The following ZNF474 variants were observed in gnomAD, a reference collection of about 807,000 sequenced individuals.
The protein encoded by ZNF474 is 4933409D10Rik.
For missense variants in ZNF474, 511 were observed against 433.8 expected (o/e 1.18, Z -1.58); for synonymous variants, 192 against 162.2 (o/e 1.18, Z -1.39).
intron 1 of ZNF474, among the ~76,000 whole-genome samples, chr5:122,139,855 T>G (rs1407018877): frequency 6.6e-6 from 1 of 152,230 alleles, no homozygotes; most frequent in Non-Finnish European, 1.5e-5. Context: ...AAAAAGCTTT[T>G]AAGGCAGCTT....
chr5:122,142,584 T>C (rs1580603716), intron 1 of ZNF474, among the ~76,000 whole-genome samples: 1 of 152,134 alleles, frequency 6.6e-6, no homozygotes, highest in Non-Finnish European at 1.5e-5. Context: ...GGCGACTCAT[T>C]CTAGTGGTTT....
rs1393020743 is a variant in ZNF474 at position 122,135,510 on chromosome 5, G to A, written c.-213+5827G>A. Among the ~76,000 whole-genome samples, 3 of 152,192 alleles carry A rather than the reference G, an allele frequency of 2.0e-5. No individual in the cohort carries two copies. The East Asian group carries it at 5.8e-4, about 29-fold the overall frequency. On this transcript the variant is annotated intron_variant, in intron 1 of 1. Coordinates refer to ENST00000296600, the MANE Select transcript of ZNF474 (RefSeq NM_207317.3). The stretch of plus-strand genomic sequence containing the variant: ...GGCAATATTGATTGGTGGCGAGGAT[G>A]TGGAGAAAGGGCAACCCTTGTACAC...
intron 1 of ZNF474, among the ~76,000 whole-genome samples, chr5:122,147,051 C>T (rs975725911): frequency 4.6e-5 from 7 of 152,108 alleles, no homozygotes; most frequent in Non-Finnish European, 8.8e-5. Context: ...CTGTCTCTGC[C>T]GGACATTAGA....
At chr5:122,138,817 T>C (rs757474496) in intron 1 of ZNF474, among the ~76,000 whole-genome samples, 1 of 152,152 alleles carries the variant, frequency 6.6e-6, no homozygotes, top group African/African-American at 2.4e-5. Context: ...TATTCATGTG[T>C]CTGAACAATT....
intron 1 of ZNF474, among the ~76,000 whole-genome samples, chr5:122,140,051 C>A (rs1755797354): frequency 6.6e-6 from 1 of 152,164 alleles, no homozygotes; most frequent in East Asian, 1.9e-4. Flanking sequence ...CTGGGCTAAC[C>A]ACAGACCATC....
At chr5:122,137,850 T>C (rs1192553493) in intron 1 of ZNF474, among the ~76,000 whole-genome samples, 1 of 152,190 alleles carries the variant, frequency 6.6e-6, no homozygotes, top group East Asian at 1.9e-4. Flanking sequence ...CTTAAGGAGT[T>C]AAATGTGACT....
At position 122,152,499 on chromosome 5, in the gene ZNF474, C is replaced by T; in HGVS notation, c.509C>T (p.Ser170Phe). 2.5e-6 allele frequency: 4 copies of T among 1,614,204 alleles called. No individual in the cohort carries two copies. Among genetic ancestry groups the T allele is most frequent in the Non-Finnish European group, 3.4e-6 (4 of 1,180,048 alleles). The change falls in exon 2 of 2, where the codon TCC (serine) becomes TTC (phenylalanine). Residue 170 changes from serine to phenylalanine, a missense_variant. By Grantham distance (155) the Ser-to-Phe change is radical (BLOSUM62 -2). Transcript: ENST00000296600. Reference protein sequence around the residue: ...SAQAQLLPCESCGRTFLPDHL... With the variant: ...SAQAQLLPCEFCGRTFLPDHL... ...CAGGCTCAGCTGCTGCCCTGTGAAT[C>T]CTGTGGCCGCACATTCTTGCCAGAT...
chr5:122,143,697 A>C (rs1755909540), intron 1 of ZNF474, among the ~76,000 whole-genome samples: 1 of 152,202 alleles, frequency 6.6e-6, no homozygotes, highest in Non-Finnish European at 1.5e-5. Flanking sequence ...TAATTCTCTT[A>C]TAAAGTATTT....
chr5:122,147,161 C>T (rs544032089), intron 1 of ZNF474, among the ~76,000 whole-genome samples: 1 of 152,120 alleles, frequency 6.6e-6, no homozygotes, highest in Non-Finnish European at 1.5e-5. Context: ...GGTGAGCATA[C>T]AAGAATACTA....
intron 1 of ZNF474, 106 bp from the exon 2 acceptor site, chr5:122,151,673 A>G (rs775496060): frequency 4.7e-4 from 87 of 186,456 alleles, no homozygotes; most frequent in Non-Finnish European, 2.3e-4. Context: ...CAAGCAAAAA[A>G]AAAGCACACA....
chr5:122,130,438 A>G (rs1453708335), intron 1 of ZNF474, among the ~76,000 whole-genome samples: 1 of 152,134 alleles, frequency 6.6e-6, no homozygotes, highest in African/African-American at 2.4e-5. Context: ...GATACCATAT[A>G]TATTATATTG....
chr5:122,152,200 A>C lies in ZNF474; in HGVS notation c.210A>C (p.Lys70Asn). 1 of 1,614,148 alleles carries C rather than the reference A, an allele frequency of 6.2e-7. No individual in the cohort carries two copies. Among genetic ancestry groups the C allele is most frequent in the Admixed American group, 1.7e-5 (1 of 60,030 alleles). Reference sequence around the variant, plus strand: ...GACCTGGGACTGTGATACTATCAAAACTGTCAAGTAGAAGAATTATATCGG... The same window carrying C: ...GACCTGGGACTGTGATACTATCAAACCTGTCAAGTAGAAGAATTATATCGG... ...KKRPGTVILS[K>N]LSSRRIISES... The change falls in exon 2 of 2, where the codon AAA (lysine) becomes AAC (asparagine). Residue 70 changes from lysine (K) to asparagine (N), a missense_variant. Transcript: ENST00000296600.
intron 1 of ZNF474, among the ~76,000 whole-genome samples, chr5:122,145,556 G>A (rs895573143): frequency 2.6e-5 from 4 of 152,144 alleles, no homozygotes; most frequent in African/African-American, 7.2e-5. Context: ...GTCAGCAGGT[G>A]AAGAGTGTCA....
At chr5:122,131,391 T>C (rs1467913144) in intron 1 of ZNF474, among the ~76,000 whole-genome samples, 1 of 152,094 alleles carries the variant, frequency 6.6e-6, no homozygotes, top group Non-Finnish European at 1.5e-5. Flanking sequence ...TTAACAATGG[T>C]CCATATGTGG....
rs750900457 is a variant in ZNF474, at chr5:122,152,177, C to A, written c.187C>A (p.Pro63Thr). Residue 63 changes from proline to threonine, a missense_variant, in exon 2 of 2, where the codon CCT becomes ACT. Pro to Thr is a conservative substitution (Grantham distance 38). Transcript: ENST00000296600. Reference sequence around the variant, plus strand: ...AAAGACAGACACTCAGAAAAAGAGACCTGGGACTGTGATACTATCAAAACT... The same window carrying A: ...AAAGACAGACACTCAGAAAAAGAGAACTGGGACTGTGATACTATCAAAACT... ...NIKTDTQKKR[P>T]GTVILSKLSS... 2.5e-6 allele frequency: 4 copies of A among 1,614,098 alleles called. No homozygotes were observed. The highest frequency in any genetic ancestry group is 2.5e-6 in the Non-Finnish European group (3 of 1,180,012).
chr5:122,148,330 G>A (rs774873082), intron 1 of ZNF474, among the ~76,000 whole-genome samples: 1 of 152,214 alleles, frequency 6.6e-6, no homozygotes. Flanking sequence ...AAAATTTCAG[G>A]AGAACATTGG....
At chr5:122,142,987 C>T (rs532910699) in intron 1 of ZNF474, among the ~76,000 whole-genome samples, 2 of 152,132 alleles carry the variant, frequency 1.3e-5, no homozygotes, top group Non-Finnish European at 2.9e-5. Flanking sequence ...CAGGCATTTT[C>T]CTCAGAAACA....
At chr5:122,150,833 A>C (rs978441354) in intron 1 of ZNF474, among the ~76,000 whole-genome samples, 4 of 152,154 alleles carry the variant, frequency 2.6e-5, no homozygotes, top group Admixed American at 1.3e-4. Flanking sequence ...GAAGTCATAC[A>C]TATATAAAAC....
chr5:122,141,379 A>T (rs2152604844), intron 1 of ZNF474, among the ~76,000 whole-genome samples: 1 of 132,168 alleles, frequency 7.6e-6, no homozygotes, highest in South Asian at 2.3e-4. Context: ...TGCAATTTTG[A>T]CTCACTGCAA....
Sources: gnomAD v4.1 joint callset for allele counts (sites outside exome capture counted in the v4.1 genomes callset) on GRCh38, gnomAD v4.1.1 for gene constraint, MANE v1.5 for transcripts, NCBI Gene and HGNC (gene_info 2026-07-23, HGNC 2026-07-21) for gene names.